ITGA3: variants seen among roughly 807,000 people sequenced by gnomAD.
The protein encoded by ITGA3 is integrin alpha-3.
Under a neutral mutation model 131.1 loss-of-function variants are expected in ITGA3, and 70 were observed. The ratio of observed to expected loss-of-function variants is 0.53; its 90% CI spans 0.44 to 0.65. ITGA3 has a LOEUF of 0.65. ITGA3 is among the 30% of genes least tolerant of loss of function. The pLI is 0.00. For missense variants in ITGA3, 1,098 were observed against 1,388.6 expected, an observed-to-expected ratio of 0.79 and a Z score of 3.33; for synonymous variants, 537 against 571.6, an observed-to-expected ratio of 0.94 and a Z score of 0.86.
intron 4 of ITGA3, among the ~76,000 whole-genome samples, chr17:50,068,845 TA>T (rs1567698569): frequency 7.4e-5 from 9 of 122,064 alleles, no homozygotes; most frequent in South Asian, 7.3e-4. Flanking sequence ...TTTATTTATT[TA>T]TTTATTTATT....
At chr17:50,072,256 C>T (rs1908666933) in intron 7 of ITGA3, 74 bp downstream of exon 7, 1 of 1,354,850 alleles carries the variant, frequency 7.4e-7, no homozygotes, top group African/African-American at 1.4e-5. Context: ...TGACTGAGCA[C>T]CAGCTGCACA....
At chr17:50,086,518 G>C (rs1214678788) in intron 23 of ITGA3, 5 of 144,820 alleles carry the variant, frequency 3.5e-5, no homozygotes, top group African/African-American at 1.3e-4. Flanking sequence ...GTGAAACCCT[G>C]TCTCTACTAA....
At chr17:50,065,116 T>A (rs1908276360) in intron 3 of ITGA3, 1 of 149,516 alleles carries the variant, frequency 6.7e-6, no homozygotes, top group Non-Finnish European at 1.5e-5. Flanking sequence ...AGATAGACAT[T>A]TCCCCCCGCA....
At chr17:50,082,554 C>T (rs542853985) in intron 23 of ITGA3, among the ~76,000 whole-genome samples, 8 of 152,104 alleles carry the variant, frequency 5.3e-5, no homozygotes, top group African/African-American at 1.9e-4. Context: ...TCAAGTAGTC[C>T]TCCCACCTCA....
At chr17:50,057,015 C>T (rs1382032304) in intron 1 of ITGA3, among the ~76,000 whole-genome samples, 2 of 152,236 alleles carry the variant, frequency 1.3e-5, no homozygotes, top group Non-Finnish European at 2.9e-5. Flanking sequence ...ACCCAGCGGA[C>T]TCCCCCCTTC....
chr17:50,081,601 C>T (rs1381542304), intron 23 of ITGA3, among the ~76,000 whole-genome samples, 193 bp downstream of exon 23: 2 of 152,158 alleles, frequency 1.3e-5, no homozygotes, highest in South Asian at 4.1e-4. Flanking sequence ...GAGTGGATTC[C>T]GGGATTGCTG....
intron 1 of ITGA3, among the ~76,000 whole-genome samples, chr17:50,058,727 GA>G (rs1907944387): frequency 6.6e-6 from 1 of 152,254 alleles, no homozygotes; most frequent in African/African-American, 2.4e-5. Flanking sequence ...CCATTTGGGA[GA>G]GCCAGCTGGG....
Position 50,079,455 on chromosome 17 carries a change from A to G in ITGA3, c.2604A>G (p.Ser868=), listed in dbSNP as rs1001292766. 4.4e-6 allele frequency: 7 copies of G among 1,573,102 alleles called. No individual in the cohort carries two copies. The highest frequency in any genetic ancestry group is 2.3e-5 in the South Asian group (2 of 85,514). The change falls in exon 21 of 26, where the codon TCA becomes TCG. Residue 868 remains serine (S), a synonymous_variant. Transcript: ENST00000320031. ...TCCAGGACCCTGGGGACAGGCCATC[A>G]TCCCCACAGCGCAGGCGGCGACAGC... The part of the protein sequence containing the change: ...LTLSDPGDRP[S]SPQRRRRQLD...
Position 50,064,575 on chromosome 17 carries a change from G to A in ITGA3, c.382G>A (p.Val128Met). Residue 128 changes from valine to methionine, a missense_variant, in exon 3 of 26, where the codon GTG becomes ATG. Transcript: ENST00000320031. The surrounding 1 kb of genome is among the most constrained non-coding windows in gnomAD (Gnocchi z 4.4). Reference protein sequence around the residue: ...IIEDMWLGVTVASQGPAGRVL... With the variant: ...IIEDMWLGVTMASQGPAGRVL... ...TGAGGACATGTGGCTTGGAGTGACT[G>A]TGGCCAGCCAGGGCCCTGCAGGCAG... is the stretch of plus-strand genomic sequence containing the variant. The A allele has an allele frequency of 6.2e-7, 1 of 1,613,262 alleles. No individual in the cohort carries two copies. The highest frequency in any genetic ancestry group is 1.1e-5 in the South Asian group (1 of 90,600).
intron 1 of ITGA3, among the ~76,000 whole-genome samples, chr17:50,061,472 C>A (rs904341414): frequency 1.3e-5 from 2 of 152,060 alleles, no homozygotes; most frequent in Non-Finnish European, 2.9e-5. Flanking sequence ...GGGGGCAACA[C>A]TTCCATTACA....
chr17:50,071,217 G>A, intron 5 of ITGA3, 94 bp from the exon 6 acceptor site: 2 of 1,132,002 alleles, frequency 1.8e-6, no homozygotes, highest in Non-Finnish European at 2.6e-6. Flanking sequence ...GAACATCATG[G>A]TGGGGGGCAA....
rs143126480 is a variant in ITGA3, at chr17:50,078,276, G to A, written c.2289G>A (p.Ser763=). The A allele has an allele frequency of 3.0e-5, 48 of 1,613,288 alleles. No individual in the cohort carries two copies. The highest frequency in any genetic ancestry group is 1.6e-4 in the Middle Eastern group (1 of 6,074). The change falls in exon 18 of 26, where the codon TCG becomes TCA. Residue 763 remains serine, a synonymous_variant. Coordinates refer to ENST00000320031, the MANE Select transcript of ITGA3 (RefSeq NM_002204.4). ...TLLVDYTLQT[S]LSMVNHRLQS... ...TGGTGGACTATACACTCCAGACCTC[G>A]CTTAGCATGTGGGTACCGCTCTCCA...
intron 23 of ITGA3, among the ~76,000 whole-genome samples, chr17:50,084,095 G>A (rs1173227027): frequency 2.0e-5 from 3 of 151,740 alleles, no homozygotes; most frequent in Admixed American, 6.6e-5. Flanking sequence ...TTAACTGGGC[G>A]TGGTGGTGCA....
intron 4 of ITGA3, among the ~76,000 whole-genome samples, chr17:50,069,271 A>T (rs991444301): frequency 2.1e-4 from 32 of 152,256 alleles, no homozygotes; most frequent in Admixed American, 7.2e-4. Flanking sequence ...GGATTGGAAT[A>T]CAGGTCCATC....
intron 23 of ITGA3, among the ~76,000 whole-genome samples, chr17:50,085,574 G>A (rs2144317654): frequency 6.6e-6 from 1 of 151,834 alleles, no homozygotes; most frequent in East Asian, 1.9e-4. Context: ...TGAGGCAGGA[G>A]AATTGCTTGA....
intron 7 of ITGA3, among the ~76,000 whole-genome samples, chr17:50,073,702 C>T (rs1194440512): frequency 6.6e-6 from 1 of 152,108 alleles, no homozygotes; most frequent in Non-Finnish European, 1.5e-5. Flanking sequence ...CCTGAACCTA[C>T]TTTCCCACCC....
At chr17:50,076,825 C>T (rs1908930107) in intron 14 of ITGA3, 144 bp downstream of exon 14, 2 of 1,166,852 alleles carry the variant, frequency 1.7e-6, no homozygotes, top group Non-Finnish European at 1.3e-6. Context: ...AGAAACGGGG[C>T]TTTCTCCTCC....
chr17:50,077,180 C>T, intron 15 of ITGA3, 59 bp downstream of exon 15: 1 of 1,481,930 alleles, frequency 6.7e-7, no homozygotes, highest in South Asian at 1.3e-5. Context: ...TTTGCATCCC[C>T]ATATCCATGT....
At chr17:50,077,175 A>C in intron 15 of ITGA3, 54 bp downstream of exon 15, 2 of 1,487,662 alleles carry the variant, frequency 1.3e-6, no homozygotes, top group South Asian at 2.6e-5. Flanking sequence ...GCGTCTTTGC[A>C]TCCCCATATC....
Sources: gnomAD v4.1 joint callset for allele counts (sites outside exome capture counted in the v4.1 genomes callset) on GRCh38, gnomAD v4.1.1 for gene constraint, Gnocchi (gnomAD v3.1) non-coding constraint, MANE v1.5 for transcripts, NCBI Gene and HGNC (gene_info 2026-07-23, HGNC 2026-07-21) for gene names.